PDGFD: variants seen among roughly 807,000 people sequenced by gnomAD.
The protein encoded by PDGFD is platelet derived growth factor D, also known as platelet-derived growth factor D.
Under a neutral mutation model 44.7 loss-of-function variants are expected in PDGFD, and 30 were observed. The observed-to-expected ratio is 0.67, with a 90% CI of 0.50 to 0.91. PDGFD has a LOEUF of 0.91. Ranked by LOEUF, PDGFD falls within the 40% of genes least tolerant of loss-of-function variation. PDGFD has a pLI of 0.00. For missense variants in PDGFD, 445 were observed against 457.8 expected (o/e 0.97, Z 0.25); for synonymous variants, 173 against 168.4 (o/e 1.03, Z -0.21).
chr11:103,959,825 A>C (rs572945056), intron 3 of PDGFD, among the ~76,000 whole-genome samples: 1 of 152,214 alleles, frequency 6.6e-6, no homozygotes, highest in African/African-American at 2.4e-5. Flanking sequence ...CATCCCTCCA[A>C]GTAAACAACT....
intron 1 of PDGFD, among the ~76,000 whole-genome samples, chr11:104,153,270 A>T (rs930290403): frequency 6.6e-6 from 1 of 152,172 alleles, no homozygotes; most frequent in African/African-American, 2.4e-5. Context: ...TGGCCTAAAG[A>T]TCTGTCATTA....
At chr11:104,152,280 T>C (rs1862258320) in intron 1 of PDGFD, among the ~76,000 whole-genome samples, 7 of 152,230 alleles carry the variant, frequency 4.6e-5, no homozygotes, top group Admixed American at 4.6e-4. Context: ...GCTTGTTTTT[T>C]AATTAACAAA....
chr11:104,144,729 T>C (rs1444680690), intron 1 of PDGFD, among the ~76,000 whole-genome samples: 2 of 152,168 alleles, frequency 1.3e-5, no homozygotes, highest in Non-Finnish European at 2.9e-5. Context: ...AAGCAGCAGA[T>C]GATAGATCAG....
At chr11:104,061,651 C>G (rs1203490100) in intron 1 of PDGFD, among the ~76,000 whole-genome samples, 1 of 152,126 alleles carries the variant, frequency 6.6e-6, no homozygotes, top group Non-Finnish European at 1.5e-5. Flanking sequence ...TCTCTATTAT[C>G]CAGGCTGGAG....
intron 5 of PDGFD, among the ~76,000 whole-genome samples, chr11:103,934,308 C>T (rs956412944): frequency 1.5e-4 from 23 of 152,142 alleles, no homozygotes; most frequent in African/African-American, 4.8e-4. Flanking sequence ...GTGAGTAACA[C>T]AGATCAAAGA....
rs116365689 is a variant in PDGFD at position 104,036,631 on chromosome 11, A to G, written c.125-36376T>C. ...CTACCTCAAGGCTCCACCTGGCCAC[A>G]CAGCAGGCACTGAGGCTGGGAGACA... On this transcript the variant is annotated intron_variant, in intron 1 of 6. Transcript: ENST00000393158. 589 of 600,592 alleles carry G rather than the reference A, an allele frequency of 9.8e-4. 2 individuals carry two copies. The African/African-American group carries it at 0.01, about 10-fold the overall frequency. 37.2% of individuals were successfully genotyped at this position (600,592 alleles called of 1,614,324 possible). A position where few individuals can be genotyped will look rare whatever the true frequency, so the allele number is the denominator to read the frequency against.
chr11:104,019,468 C>A (rs938873429), intron 1 of PDGFD, among the ~76,000 whole-genome samples: 3 of 152,154 alleles, frequency 2.0e-5, no homozygotes, highest in African/African-American at 7.2e-5. Context: ...CACATTATTA[C>A]TTTTACACAT....
chr11:104,037,373 T>C (rs1860265454), intron 1 of PDGFD: 2 of 1,613,978 alleles, frequency 1.2e-6, no homozygotes, highest in Non-Finnish European at 1.7e-6. Context: ...CAGGTGCTGA[T>C]GGAGCAGCAA....
At chr11:104,036,808 G>C in intron 1 of PDGFD, 1 of 1,606,016 alleles carries the variant, frequency 6.2e-7, no homozygotes, top group Non-Finnish European at 8.5e-7. Context: ...AGCCCGGCCC[G>C]CCCGGGCCCC....
At chr11:103,940,159 C>G (rs903848264) in intron 5 of PDGFD, among the ~76,000 whole-genome samples, 13 of 152,000 alleles carry the variant, frequency 8.6e-5, no homozygotes, top group African/African-American at 2.9e-4. Context: ...ACCTCACCTC[C>G]CTTCTACTAA....
chr11:104,126,008 T>G (rs1033443091), intron 1 of PDGFD, among the ~76,000 whole-genome samples: 1 of 152,136 alleles, frequency 6.6e-6, no homozygotes, highest in African/African-American at 2.4e-5. Context: ...GTTGCAGCAA[T>G]GCAGAGCAAC....
At chr11:104,037,278 C>G in intron 1 of PDGFD, 1 of 1,613,486 alleles carries the variant, frequency 6.2e-7, no homozygotes, top group Non-Finnish European at 8.5e-7. Context: ...TGCTGCTCTC[C>G]AACCCCCACG....
intron 6 of PDGFD, among the ~76,000 whole-genome samples, chr11:103,922,837 C>G (rs969273478): frequency 6.6e-6 from 1 of 152,094 alleles, no homozygotes; most frequent in Non-Finnish European, 1.5e-5. Context: ...ACCTTGGCCT[C>G]TCAAAGTGCT....
At chr11:104,101,872 A>C (rs1175422966) in intron 1 of PDGFD, among the ~76,000 whole-genome samples, 1 of 152,102 alleles carries the variant, frequency 6.6e-6, no homozygotes, top group Non-Finnish European at 1.5e-5. Flanking sequence ...CTGGCTAGCC[A>C]TATGTAGAAA....
intron 1 of PDGFD, among the ~76,000 whole-genome samples, chr11:104,009,293 T>G (rs1201775168): frequency 2.6e-5 from 4 of 152,098 alleles, no homozygotes; most frequent in Non-Finnish European, 4.4e-5. Context: ...ATATGGGGGC[T>G]GCTCTTGGAT....
intron 3 of PDGFD, among the ~76,000 whole-genome samples, chr11:103,990,868 G>A (rs541942925): frequency 1.4e-4 from 22 of 152,114 alleles, no homozygotes; most frequent in East Asian, 3.9e-4. Context: ...GGCCAGGCGC[G>A]GTGGTTCACA....
intron 1 of PDGFD, among the ~76,000 whole-genome samples, chr11:104,134,564 T>G (rs1437980836): frequency 2.6e-5 from 4 of 152,226 alleles, no homozygotes. Flanking sequence ...ACAGACTGAT[T>G]CATCCACTCA....
intron 1 of PDGFD, among the ~76,000 whole-genome samples, chr11:104,076,481 G>A (rs941759611): frequency 1.3e-5 from 2 of 152,096 alleles, no homozygotes; most frequent in African/African-American, 2.4e-5. Flanking sequence ...AGTTTCACAT[G>A]AGAATTTTCT....
intron 3 of PDGFD, among the ~76,000 whole-genome samples, chr11:103,954,008 A>T (rs1251377753): frequency 6.9e-6 from 1 of 145,410 alleles, no homozygotes; most frequent in Non-Finnish European, 1.5e-5. Flanking sequence ...TACCCACTGA[A>T]TTGTGCTATA....
Sources: gnomAD v4.1 joint callset for allele counts (sites outside exome capture counted in the v4.1 genomes callset) on GRCh38, gnomAD v4.1.1 for gene constraint, MANE v1.5 for transcripts, NCBI Gene and HGNC (gene_info 2026-07-23, HGNC 2026-07-21) for gene names.